The following PTCHD1 variants were observed in gnomAD, a reference collection of about 807,000 sequenced individuals.
PTCHD1 encodes the protein patched domain containing 1, also known as patched domain-containing protein 1.
PTCHD1 carries 3 observed loss-of-function variants against 34.6 expected under a neutral mutation model. That is an observed-to-expected ratio of 0.09 (90% CI 0.04 to 0.22). PTCHD1 has a LOEUF of 0.22. PTCHD1 is among the 10% of genes least tolerant of loss of function. PTCHD1 has a pLI of 1.00. For missense variants in PTCHD1, 504 were observed against 685.5 expected (o/e 0.74, Z 2.96); for synonymous variants, 305 against 283.1 (o/e 1.08, Z -0.77).
chrX:23,391,416 T>C (rs182174251), intron 2 of PTCHD1, among the ~76,000 whole-genome samples: 2 of 111,259 alleles, frequency 1.8e-5, no homozygotes, highest in African/African-American at 6.5e-5. Context: ...TCAACCTGAA[T>C]CCTAATTTTT....
At chrX:23,365,279 G>A (rs1922111139) in intron 1 of PTCHD1, among the ~76,000 whole-genome samples, 1 of 112,059 alleles carries the variant, frequency 8.9e-6, no homozygotes, top group Non-Finnish European at 1.9e-5. Context: ...TGAGTGTTGT[G>A]TGTTCAAATA....
Position 23,400,849 on chromosome X carries a change from TTTGTTTG to T in PTCHD1, c.*6667_*6673del, listed in dbSNP as rs1569144961. On this transcript the variant is annotated 3_prime_UTR_variant, in exon 3 of 3. Transcript: ENST00000379361. ...TGTAAAGTTTGAGGGGTTTGTCTTT[TTTGTTTG>T]TTTGTTTGTTTTTTTTTGAGATGGA... 4 of 110,533 alleles carry T rather than the reference TTTGTTTG, an allele frequency of 3.6e-5. No homozygotes were observed. The highest frequency in any genetic ancestry group is 1.3e-4 in the African/African-American group (4 of 30,201). The allele number at this position is 110,533 out of a possible 1,213,427, so 9.1% of individuals were successfully genotyped here. A position where few individuals can be genotyped will look rare whatever the true frequency, so the allele number is the denominator to read the frequency against.
intron 1 of PTCHD1, among the ~76,000 whole-genome samples, chrX:23,359,752 T>A (rs1266021044): frequency 1.8e-5 from 2 of 111,966 alleles, no homozygotes; most frequent in East Asian, 2.8e-4. Flanking sequence ...TACTTCTAGT[T>A]TTTGCCCATT....
upstream of PTCHD1, chrX:23,334,787 TGCCGCCGCCGCCGCCGCCGCC>T (rs879170954): frequency 1.1e-5 from 4 of 351,634 alleles, no homozygotes; most frequent in Admixed American, 1.0e-4. Flanking sequence ...CGGGCGCCGC[TGCCGCCGCCGCCGCCGCCGCC>T]GCCGCCGCCG....
At chrX:23,341,346 C>G (rs1467629141) in intron 1 of PTCHD1, among the ~76,000 whole-genome samples, 1 of 112,233 alleles carries the variant, frequency 8.9e-6, no homozygotes, top group Non-Finnish European at 1.9e-5. Flanking sequence ...CTTAAAAATA[C>G]GAGAAGGAGA....
At chrX:23,392,483 G>A (rs775803718) in intron 2 of PTCHD1, 48 bp from the exon 3 acceptor site, 1 of 857,474 alleles carries the variant, frequency 1.2e-6, no homozygotes, top group Admixed American at 2.2e-5. Context: ...TCCCTCTTAA[G>A]AGATTAGTTC....
rs765913959 is a variant in PTCHD1, at chrX:23,401,628, G to GCATGCACA, written c.*7447_*7454dup. ...TTACATACACACATATCACAGATGTGCATGCACACATACACATGCACACCA... is the reference window on the plus strand; with the variant it reads ...TTACATACACACATATCACAGATGTGCATGCACACATGCACACATACACATGCACACCA... On this transcript the variant is annotated 3_prime_UTR_variant, in exon 3 of 3. Transcript: ENST00000379361. 4.6e-4 allele frequency: 52 copies of GCATGCACA among 113,151 alleles called. 2 individuals are homozygous for GCATGCACA. The Middle Eastern group carries it at 0.023, about 50-fold the overall frequency. 9.3% of individuals were successfully genotyped at this position (113,151 alleles called of 1,213,427 possible). A position where few individuals can be genotyped will look rare whatever the true frequency, so the allele number is the denominator to read the frequency against.
chrX:23,355,139 T>C (rs1433203546), intron 1 of PTCHD1, among the ~76,000 whole-genome samples: 1 of 110,748 alleles, frequency 9.0e-6, no homozygotes, highest in African/African-American at 3.3e-5. Context: ...CAGCAAAGCT[T>C]CCTCAGCACT....
intron 2 of PTCHD1, among the ~76,000 whole-genome samples, chrX:23,387,915 G>A (rs1922725377): frequency 8.9e-6 from 1 of 112,016 alleles, no homozygotes; most frequent in Non-Finnish European, 1.9e-5. Flanking sequence ...GATAGAATCA[G>A]TATGTGTTTA....
chrX:23,388,680 A>G (rs6627923), intron 2 of PTCHD1, among the ~76,000 whole-genome samples: 47,034 of 110,157 alleles, frequency 0.43, 7,191 homozygotes, highest in East Asian at 0.61. Context: ...AAACTACAAA[A>G]ATTACCTGGG....
chrX:23,392,200 A>G (rs1179757074), intron 2 of PTCHD1, among the ~76,000 whole-genome samples: 1 of 106,753 alleles, frequency 9.4e-6, no homozygotes, highest in Non-Finnish European at 1.9e-5. Flanking sequence ...ATGAGCCACC[A>G]TGACTGGCTC....
At chrX:23,392,043 T>C (rs759788787) in intron 2 of PTCHD1, among the ~76,000 whole-genome samples, 7 of 102,500 alleles carry the variant, frequency 6.8e-5, no homozygotes, top group African/African-American at 2.2e-4. Flanking sequence ...TTTTCTTTCT[T>C]TTTTTTTCTT....
At chrX:23,371,776 G>C (rs1311746355) in intron 1 of PTCHD1, among the ~76,000 whole-genome samples, 3 of 111,208 alleles carry the variant, frequency 2.7e-5, no homozygotes, top group Non-Finnish European at 3.8e-5. Context: ...TGTAGATTAT[G>C]TTTGGAAGCT....
intron 1 of PTCHD1, among the ~76,000 whole-genome samples, chrX:23,379,301 C>A (rs1282178198): frequency 1.8e-5 from 2 of 111,545 alleles, no homozygotes; most frequent in Non-Finnish European, 3.8e-5. Flanking sequence ...TTGCGAAAAC[C>A]CAGATTCCTG....
chrX:23,390,710 T>C (rs1343969188), intron 2 of PTCHD1, among the ~76,000 whole-genome samples: 1 of 111,899 alleles, frequency 8.9e-6, no homozygotes, highest in Non-Finnish European at 1.9e-5. Flanking sequence ...GAAACAGGCC[T>C]AAATCATTAC....
At position 23,380,242 on chromosome X, in the gene PTCHD1, G is replaced by T; in HGVS notation, c.1003G>T (p.Val335Phe). ...TTCCACCTTCCTGGGAGTCCCTTTCGTCATGCTAGGTAATTACTACTCTTC... is the reference window on the plus strand; with the variant it reads ...TTCCACCTTCCTGGGAGTCCCTTTCTTCATGCTAGGTAATTACTACTCTTC... ...YNSTFLGVPF[V>F]MLGHGLYGTF... Residue 335 changes from valine (V) to phenylalanine (F), a missense_variant, in exon 2 of 3, where the codon GTC (valine) becomes TTC (phenylalanine). Val to Phe is a conservative substitution (Grantham distance 50). Coordinates refer to ENST00000379361, the MANE Select transcript of PTCHD1 (RefSeq NM_173495.3). 8.3e-7 allele frequency: 1 copy of T among 1,206,623 alleles called. No individual in the cohort carries two copies. Among genetic ancestry groups the T allele is most frequent in the Non-Finnish European group, 1.1e-6 (1 of 891,743 alleles).
chrX:23,347,743 T>C lies in PTCHD1; in HGVS notation c.351+12517T>C, dbSNP rs1219334688. Among the ~76,000 whole-genome samples the C allele has an allele frequency of 3.6e-5, 4 of 112,100 alleles. No homozygotes were observed. In the East Asian group the frequency reaches 8.4e-4, roughly 23 times the overall value. On this transcript the variant is annotated intron_variant, in intron 1 of 2. Coordinates refer to ENST00000379361, the MANE Select transcript of PTCHD1 (RefSeq NM_173495.3). ...TATGAAGGCCAGGCGAGGTGGCTCA[T>C]GCCTATAATCCTGGCACTCTGGGAA... is the stretch of plus-strand genomic sequence containing the variant.
intron 1 of PTCHD1, among the ~76,000 whole-genome samples, chrX:23,364,875 A>G (rs1384240871): frequency 8.9e-6 from 1 of 112,751 alleles, no homozygotes; most frequent in African/African-American, 3.2e-5. Context: ...CTAAGCTTTT[A>G]TTCCAAATAA....
At chrX:23,386,622 T>A (rs1922691778) in intron 2 of PTCHD1, among the ~76,000 whole-genome samples, 1 of 112,496 alleles carries the variant, frequency 8.9e-6, no homozygotes. Context: ...ACAAAAATCA[T>A]GAATTTATGT....
Sources: allele counts gnomAD v4.1 joint callset (sites outside exome capture counted in the v4.1 genomes callset), GRCh38; gene constraint gnomAD v4.1.1; transcripts MANE v1.5; gene names NCBI Gene and HGNC (gene_info 2026-07-23, HGNC 2026-07-21).